FBXO17: variants seen among roughly 807,000 people sequenced by gnomAD.
The protein encoded by FBXO17 is F-box only protein 17.
FBXO17 carries 43 observed loss-of-function variants against 34.1 expected under a neutral mutation model. The ratio of observed to expected loss-of-function variants is 1.26; its 90% CI spans 0.99 to 1.62. The LOEUF (loss-of-function observed/expected upper bound fraction) is 1.62. Among genes scored for constraint, FBXO17 ranks in the 40% most tolerant of loss-of-function variants. The pLI is 0.00. For synonymous variants in FBXO17, 169 were observed against 166.0 expected, an observed-to-expected ratio of 1.02 and a Z score of -0.14; for missense variants, 424 against 386.7, an observed-to-expected ratio of 1.10 and a Z score of -0.81.
At position 38,941,498 on chromosome 19, in the gene FBXO17, TA is replaced by T. The variant is rs1322469202; in HGVS notation, c.*1109del. On this transcript the variant is annotated 3_prime_UTR_variant, in exon 6 of 6. Transcript: ENST00000292852. ...ATATTTATTGACAGCAAGCCAGTGATAAGCATTATTTCTATAGATTATAGAT... is the reference window on the plus strand; with the variant it reads ...ATATTTATTGACAGCAAGCCAGTGATAGCATTATTTCTATAGATTATAGAT... 6.6e-6 allele frequency: 1 copy of T among 152,222 alleles called. No individual in the cohort carries two copies. The highest frequency in any genetic ancestry group is 1.9e-4 in the East Asian group (1 of 5,196). The allele number at this position is 152,222 out of a possible 1,614,324, so 9.4% of individuals were successfully genotyped here.
chr19:38,947,789 C>T (rs912835351), intron 3 of FBXO17, among the ~76,000 whole-genome samples: 1 of 151,838 alleles, frequency 6.6e-6, no homozygotes, highest in African/African-American at 2.4e-5. Flanking sequence ...ACCTCAAACT[C>T]CTGGGCTCAA....
chr19:38,963,297 CT>C (rs1555752021), intron 1 of FBXO17, among the ~76,000 whole-genome samples: 1,821 of 75,694 alleles, frequency 0.024, 35 homozygotes, highest in African/African-American at 0.092. Flanking sequence ...TTCACTCATA[CT>C]TTTTTTTTTT....
rs1220602655 is a variant in FBXO17 at position 38,956,964 on chromosome 19, AAATATT to A, written c.-17-6634_-17-6629del. ...ATTTAGTGTTTCACATTAATTTTTA[AAATATT>A]AATATTAATTTTCACAGGTGTGAGC... On this transcript the variant is annotated intron_variant, in intron 1 of 5. Coordinates refer to ENST00000292852, the MANE Select transcript of FBXO17 (RefSeq NM_024907.7). Among the ~76,000 whole-genome samples the A allele has an allele frequency of 1.2e-4, 18 of 152,182 alleles. No homozygotes were observed. In the East Asian group the frequency reaches 1.3e-3, roughly 11 times the overall value.
At chr19:38,949,733 C>G in intron 2 of FBXO17, 2 of 585,456 alleles carry the variant, frequency 3.4e-6, no homozygotes, top group Non-Finnish European at 5.9e-6. Context: ...TGCTTTCTCC[C>G]CCGGCCCAGC....
chr19:38,969,750 AC>A (rs1975367868), intron 1 of FBXO17, among the ~76,000 whole-genome samples: 1 of 151,886 alleles, frequency 6.6e-6, no homozygotes, highest in Non-Finnish European at 1.5e-5. Context: ...CTACTCTGCC[AC>A]CATGCTCTGC....
intron 1 of FBXO17, among the ~76,000 whole-genome samples, chr19:38,950,916 C>T (rs1009723863): frequency 3.3e-5 from 5 of 152,118 alleles, no homozygotes; most frequent in African/African-American, 9.7e-5. Flanking sequence ...CTCAGCCTCC[C>T]GAGTAGCTGG....
At chr19:38,950,421 G>T (rs1385870916) in intron 1 of FBXO17, 85 bp from the exon 2 acceptor site, 6 of 1,378,010 alleles carry the variant, frequency 4.4e-6, no homozygotes. Flanking sequence ...CAAGGCCCCT[G>T]CTGCTCGAGA....
intron 1 of FBXO17, among the ~76,000 whole-genome samples, chr19:38,958,979 T>G (rs1226208483): frequency 6.6e-6 from 1 of 152,164 alleles, no homozygotes; most frequent in African/African-American, 2.4e-5. Context: ...TATGGCTCAC[T>G]GAAGCCTCGA....
chr19:38,943,511 G>A, intron 5 of FBXO17, among the ~76,000 whole-genome samples: 1 of 152,046 alleles, frequency 6.6e-6, no homozygotes, highest in East Asian at 1.9e-4. Context: ...CTGACCTCAG[G>A]TGATCCACCC....
chr19:38,964,370 C>G (rs1391280006), intron 1 of FBXO17, among the ~76,000 whole-genome samples: 2 of 152,084 alleles, frequency 1.3e-5, no homozygotes, highest in African/African-American at 4.8e-5. Flanking sequence ...GAGTCTCACC[C>G]TGTCACCCAG....
chr19:38,950,112 C>T lies in FBXO17; in HGVS notation c.208G>A (p.Glu70Lys). ...LLQLARDRSAEGRALYAVAQR... is the reference protein window; with the variant it reads ...LLQLARDRSAKGRALYAVAQR... ...GCCACTGCGTAGAGTGCGCGGCCCT[C>T]GGCGCTGCGGTCGCGGGCCAGCTGC... is the stretch of plus-strand genomic sequence containing the variant. Residue 70 changes from glutamate (E) to lysine (K), a missense_variant, in exon 2 of 6, where the codon GAG (glutamate) becomes AAG (lysine). Glu to Lys is a moderately conservative substitution (Grantham distance 56, BLOSUM62 1). Transcript: ENST00000292852. 3 of 1,561,730 alleles carry T rather than the reference C, an allele frequency of 1.9e-6. No individual in the cohort carries two copies. The highest frequency in any genetic ancestry group is 2.6e-6 in the Non-Finnish European group (3 of 1,156,398).
intron 1 of FBXO17, among the ~76,000 whole-genome samples, chr19:38,953,814 G>A (rs1975122065): frequency 6.6e-6 from 1 of 152,118 alleles, no homozygotes; most frequent in African/African-American, 2.4e-5. Flanking sequence ...CTGGAAGTGG[G>A]CGGGAAGGTG....
intron 2 of FBXO17, among the ~76,000 whole-genome samples, chr19:38,949,108 A>T (rs1975031683): frequency 6.6e-6 from 1 of 151,350 alleles, no homozygotes; most frequent in Non-Finnish European, 1.5e-5. Flanking sequence ...TTAATTTTTT[A>T]ATTTTTTTTT....
rs1288049731 is a variant in FBXO17 at position 38,950,409 on chromosome 19, C to T, written c.-17-73G>A. On this transcript the variant is annotated intron_variant, in intron 1 of 5. Transcript: ENST00000292852. Reference sequence around the variant, plus strand: ...CCCCTCCCTACCTTGTCCCCCAGGGCGCAAGGCCCCTGCTGCTCGAGAGAC... The same window carrying T: ...CCCCTCCCTACCTTGTCCCCCAGGGTGCAAGGCCCCTGCTGCTCGAGAGAC... 39 of 1,383,708 alleles carry T rather than the reference C, an allele frequency of 2.8e-5. No individual in the cohort carries two copies. The South Asian group carries it at 5.4e-4, about 19-fold the overall frequency. The allele number at this position is 1,383,708 out of a possible 1,614,324, so 85.7% of individuals were successfully genotyped here. A position where few individuals can be genotyped will look rare whatever the true frequency, so the allele number is the denominator to read the frequency against.
chr19:38,957,449 C>T (rs1975182111), intron 1 of FBXO17, among the ~76,000 whole-genome samples: 1 of 152,064 alleles, frequency 6.6e-6, no homozygotes, highest in Non-Finnish European at 1.5e-5. Context: ...CGGGTTCAAG[C>T]GATTCTCTGC....
At chr19:38,972,388 T>C (rs1444098576) in intron 1 of FBXO17, among the ~76,000 whole-genome samples, 2 of 151,900 alleles carry the variant, frequency 1.3e-5, no homozygotes, top group African/African-American at 2.4e-5. Flanking sequence ...CTACTAAAAA[T>C]ATAAAAATTA....
At position 38,948,588 on chromosome 19, in the gene FBXO17, G is replaced by A; in HGVS notation, c.440C>T (p.Thr147Ile). Reference protein sequence around the residue: ...LTPVPGAPSQTCFVTSFEWCS... With the variant: ...LTPVPGAPSQICFVTSFEWCS... ...TCACTCGAAAGAGGTCACGAAGCAG[G>A]TCTGCGAAGGAGCCCCAGGCACCGG... is the stretch of plus-strand genomic sequence containing the variant. The change falls in exon 3 of 6, where the codon ACC (threonine) becomes ATC (isoleucine). Residue 147 changes from threonine to isoleucine, a missense_variant. Transcript: ENST00000292852. The A allele has an allele frequency of 3.1e-6, 5 of 1,614,112 alleles. No individual in the cohort carries two copies. Among genetic ancestry groups the A allele is most frequent in the African/African-American group, 1.3e-5 (1 of 75,068 alleles).
intron 2 of FBXO17, among the ~76,000 whole-genome samples, chr19:38,948,897 C>T (rs1223347199): frequency 6.6e-6 from 1 of 152,176 alleles, no homozygotes; most frequent in Non-Finnish European, 1.5e-5. Context: ...TCTCTTCAGC[C>T]ACCCTTACTT....
At chr19:38,947,587 AAAAAAC>A (rs1301197502) in intron 3 of FBXO17, among the ~76,000 whole-genome samples, 8 of 152,156 alleles carry the variant, frequency 5.3e-5, no homozygotes, top group Non-Finnish European at 8.8e-5. Flanking sequence ...ACTCTATCTC[AAAAAAC>A]AAAAACAAAA....
Sources: allele counts gnomAD v4.1 joint callset (sites outside exome capture counted in the v4.1 genomes callset), GRCh38; gene constraint gnomAD v4.1.1; transcripts MANE v1.5; gene names NCBI Gene and HGNC (gene_info 2026-07-23, HGNC 2026-07-21).